The following SFXN2 variants were observed in gnomAD, a reference collection of about 807,000 sequenced individuals.
SFXN2 encodes sideroflexin 2.
Under a neutral mutation model 41.9 loss-of-function variants are expected in SFXN2, and 37 were observed. That is an observed-to-expected ratio of 0.88 (90% CI 0.68 to 1.16). SFXN2 has a LOEUF of 1.16. SFXN2 is among the 50% of genes most tolerant of loss of function. The probability of loss-of-function intolerance (pLI) is 0.00; values close to 1 mark genes in which losing one functional copy is unlikely to be tolerated. For missense variants in SFXN2, 386 were observed against 425.2 expected (o/e 0.91, Z 0.81); for synonymous variants, 150 against 156.7 (o/e 0.96, Z 0.32).
intron 1 of SFXN2, among the ~76,000 whole-genome samples, chr10:102,723,478 C>T (rs1380784796): frequency 1.3e-5 from 2 of 151,754 alleles, no homozygotes; most frequent in Admixed American, 1.3e-4. Context: ...TCTCAAACTC[C>T]CGACCTCAGG....
At chr10:102,736,000 G>A (rs1273180500) in intron 11 of SFXN2, 91 bp downstream of exon 11, 1 of 1,195,886 alleles carries the variant, frequency 8.4e-7, no homozygotes, top group East Asian at 2.3e-5. Flanking sequence ...GACAGGGAAG[G>A]GGCAGGAAGG....
At chr10:102,728,762 C>CT (rs2064650945) in intron 4 of SFXN2, among the ~76,000 whole-genome samples, 2 of 152,068 alleles carry the variant, frequency 1.3e-5, no homozygotes, top group South Asian at 4.1e-4. Context: ...TTGAGTGTGT[C>CT]TTATGTGCTG....
intron 1 of SFXN2, among the ~76,000 whole-genome samples, chr10:102,718,613 G>C (rs2064453327): frequency 1.3e-5 from 2 of 152,194 alleles, no homozygotes; most frequent in South Asian, 4.1e-4. Flanking sequence ...GAGAAGCATC[G>C]GGGCCAGGCC....
intron 1 of SFXN2, among the ~76,000 whole-genome samples, chr10:102,722,265 G>A (rs958240890): frequency 7.9e-5 from 12 of 152,040 alleles, no homozygotes; most frequent in Non-Finnish European, 1.6e-4. Flanking sequence ...CTTTTTAGTG[G>A]TTGCCCAGGA....
At chr10:102,717,124 C>CTTTTTTTTTT (rs55839661) in intron 1 of SFXN2, among the ~76,000 whole-genome samples, 2 of 97,220 alleles carry the variant, frequency 2.1e-5, no homozygotes, top group African/African-American at 4.1e-5. Context: ...TTCTCTCTCT[C>CTTTTTTTTTT]TTTTTTTTTT....
intron 4 of SFXN2, 74 bp from the exon 5 acceptor site, chr10:102,729,245 T>G (rs1011130575): frequency 6.8e-7 from 1 of 1,469,390 alleles, no homozygotes; most frequent in East Asian, 2.3e-5. Flanking sequence ...GCCAGCCGAC[T>G]TTCTCCCTGA....
chr10:102,719,262 C>A (rs2064466502), intron 1 of SFXN2, among the ~76,000 whole-genome samples: 1 of 147,192 alleles, frequency 6.8e-6, no homozygotes. Flanking sequence ...CACTCTGTTG[C>A]CCAGGCTGGA....
intron 1 of SFXN2, chr10:102,716,156 C>T (rs1161579002): frequency 6.6e-6 from 1 of 152,028 alleles, no homozygotes; most frequent in Non-Finnish European, 1.5e-5. Context: ...CCTAACAGCC[C>T]ACTTGCCTTG....
intron 10 of SFXN2, 54 bp downstream of exon 10, chr10:102,733,657 G>A (rs369001253): frequency 7.6e-6 from 11 of 1,454,002 alleles, no homozygotes; most frequent in South Asian, 2.3e-5. Flanking sequence ...CACTCAAGAT[G>A]TGTCGTCTTG....
chr10:102,729,438 G>A, intron 5 of SFXN2, 44 bp downstream of exon 5: 1 of 1,603,536 alleles, frequency 6.2e-7, no homozygotes, highest in Non-Finnish European at 8.5e-7. Context: ...CGCGGGGGCA[G>A]CAGAGTCCTA....
At chr10:102,726,506 C>G in intron 1 of SFXN2, 106 bp from the exon 2 acceptor site, 1 of 1,175,832 alleles carries the variant, frequency 8.5e-7, no homozygotes, top group Non-Finnish European at 1.2e-6. Context: ...TCAGACGATG[C>G]CCAGTAGCTG....
intron 3 of SFXN2, among the ~76,000 whole-genome samples, 178 bp from the exon 4 acceptor site, chr10:102,728,253 C>T (rs569259436): frequency 4.6e-4 from 70 of 152,198 alleles, no homozygotes; most frequent in African/African-American, 1.5e-3. Context: ...GAGCTGAGAT[C>T]GTACCACTGC....
chr10:102,717,546 G>T (rs576683998), intron 1 of SFXN2, among the ~76,000 whole-genome samples: 4 of 152,184 alleles, frequency 2.6e-5, no homozygotes, highest in Non-Finnish European at 4.4e-5. Flanking sequence ...CCCTGGACAT[G>T]ATGATGACCT....
At chr10:102,732,768 A>G in intron 8 of SFXN2, 91 bp from the exon 9 acceptor site, 1 of 1,301,762 alleles carries the variant, frequency 7.7e-7, no homozygotes, top group Admixed American at 1.7e-5. Context: ...GCTGAAGGAG[A>G]GGGAACCACT....
intron 1 of SFXN2, among the ~76,000 whole-genome samples, chr10:102,722,573 C>T (rs11191379): frequency 0.13 from 19,507 of 152,028 alleles, 1,610 homozygotes; most frequent in East Asian, 0.42. Context: ...CTCACTCTGT[C>T]GTGCAGGCTG....
chr10:102,732,129 A>C (rs979137790), intron 7 of SFXN2, 23 bp from the exon 8 acceptor site: 1 of 1,609,518 alleles, frequency 6.2e-7, no homozygotes, highest in Non-Finnish European at 8.5e-7. Context: ...CATTTCTGAC[A>C]ACTTACTATT....
chr10:102,736,055 G>C, intron 11 of SFXN2, 146 bp downstream of exon 11: 1 of 805,950 alleles, frequency 1.2e-6, no homozygotes, highest in Non-Finnish European at 2.1e-6. Flanking sequence ...TAAAGGCTGG[G>C]CCTCTTAACC....
intron 1 of SFXN2, chr10:102,716,539 CTT>C (rs1409535507): frequency 7.9e-6 from 1 of 126,994 alleles, no homozygotes. Context: ...TTTTTTTTCT[CTT>C]TGTTTCCCTC....
At chr10:102,721,329 A>G (rs905424775) in intron 1 of SFXN2, among the ~76,000 whole-genome samples, 8 of 152,042 alleles carry the variant, frequency 5.3e-5, no homozygotes, top group African/African-American at 1.9e-4. Flanking sequence ...ACAGTGAGCT[A>G]TGATTGCACC....
Sources: gnomAD v4.1 joint callset for allele counts (sites outside exome capture counted in the v4.1 genomes callset) on GRCh38, gnomAD v4.1.1 for gene constraint, MANE v1.5 for transcripts, NCBI Gene and HGNC (gene_info 2026-07-23, HGNC 2026-07-21) for gene names.